Variants in HRG observed in about 807,000 individuals in gnomAD.
The protein encoded by HRG is histidine-rich glycoprotein.
A neutral mutation model predicts 29.5 loss-of-function variants in HRG; 26 were observed. The observed-to-expected ratio is 0.88, with a 90% CI of 0.65 to 1.22. The LOEUF is 1.22. Ranked by LOEUF, HRG falls within the 50% of genes most tolerant of loss-of-function variation. The probability of loss-of-function intolerance (pLI) is 0.00; values close to 1 mark genes in which losing one functional copy is unlikely to be tolerated. For synonymous variants in HRG, 243 were observed against 240.4 expected, an observed-to-expected ratio of 1.01 and a Z score of -0.10; for missense variants, 671 against 654.5, an observed-to-expected ratio of 1.03 and a Z score of -0.28.
chr3:186,668,715 G>A (rs1295072528), intron 1 of HRG: 12 of 523,978 alleles, frequency 2.3e-5, no homozygotes, highest in Middle Eastern at 5.2e-4. Flanking sequence ...CAAGTTTATG[G>A]GCAGAAGACA....
intron 5 of HRG, chr3:186,674,497 TTTC>T (rs1718905294): frequency 6.0e-6 from 1 of 167,384 alleles, no homozygotes; most frequent in Non-Finnish European, 1.3e-5. Context: ...TGCTTAGCAA[TTTC>T]TTCTAGCAGA....
rs774359835 is a variant in HRG, at chr3:186,671,646, A to G, written c.415A>G (p.Lys139Glu). 5.0e-6 allele frequency: 8 copies of G among 1,614,076 alleles called. No homozygotes were observed. In the East Asian group the frequency reaches 1.3e-4, roughly 27 times the overall value. ...SSVSSALANTKDSPVLIDFFE... is the reference protein window; with the variant it reads ...SSVSSALANTEDSPVLIDFFE... Reference sequence around the variant, plus strand: ...AGTCTCTTCAGCACTGGCCAATACCAAAGATAGTCCGGTCCTCATAGATTT... The same window carrying G: ...AGTCTCTTCAGCACTGGCCAATACCGAAGATAGTCCGGTCCTCATAGATTT... The change falls in exon 4 of 7, where the codon AAA (lysine) becomes GAA (glutamate). Residue 139 changes from lysine to glutamate, a missense_variant. By Grantham distance (56) the Lys-to-Glu change is moderately conservative. Transcript: ENST00000232003.
At position 186,671,744 on chromosome 3, in the gene HRG, C is replaced by G. The variant is rs1718802181; in HGVS notation, c.513C>G (p.Asp171Glu). The G allele has an allele frequency of 6.2e-7, 1 of 1,613,988 alleles. No individual in the cohort carries two copies. Among genetic ancestry groups the G allele is most frequent in the Non-Finnish European group, 8.5e-7 (1 of 1,179,894 alleles). Residue 171 changes from aspartate (D) to glutamate (E), a missense_variant, in exon 4 of 7, where the codon GAC becomes GAG. Asp to Glu is a conservative substitution (Grantham distance 45). Coordinates refer to ENST00000232003, the MANE Select transcript of HRG (RefSeq NM_000412.5). Reference sequence around the variant, plus strand: ...AGAAGTACAAAGAGGAGAATGATGACTTTGCCTCTTTCAGAGTGGACCGAA... The same window carrying G: ...AGAAGTACAAAGAGGAGAATGATGAGTTTGCCTCTTTCAGAGTGGACCGAA... ...ALEKYKEENDDFASFRVDRIE... is the reference protein window; with the variant it reads ...ALEKYKEENDEFASFRVDRIE...
chr3:186,673,469 A>C (rs1718872523), intron 5 of HRG: 1 of 164,698 alleles, frequency 6.1e-6, no homozygotes, highest in Non-Finnish European at 1.3e-5. Flanking sequence ...TTTTAATCCC[A>C]AATTAGCAGA....
chr3:186,677,217 A>G lies in HRG; in HGVS notation c.912A>G (p.Arg304=), dbSNP rs749515984. The change falls in exon 7 of 7, where the codon AGA becomes AGG. Residue 304 remains arginine (R), a synonymous_variant. Coordinates refer to ENST00000232003, the MANE Select transcript of HRG (RefSeq NM_000412.5). ...GACCCCCACCTCCTCCAGATGAAAGAGATCACTCACATGGACCCCCACTTC... is the reference window on the plus strand; with the variant it reads ...GACCCCCACCTCCTCCAGATGAAAGGGATCACTCACATGGACCCCCACTTC... ...EHGPPPPPDE[R]DHSHGPPLPQ... 38 of 1,613,846 alleles carry G rather than the reference A, an allele frequency of 2.4e-5. No individual in the cohort carries two copies. The East Asian group carries it at 8.2e-4, about 35-fold the overall frequency.
chr3:186,675,240 T>G (rs1393227070), intron 6 of HRG, 50 bp downstream of exon 6: 1 of 1,122,802 alleles, frequency 8.9e-7, no homozygotes, highest in Admixed American at 1.7e-5. Context: ...TTAAGTGACA[T>G]ACGTACACAA....
rs776422672 is a variant in HRG at position 186,677,676 on chromosome 3, T to C, written c.1371T>C (p.Ser457=). The C allele has an allele frequency of 1.2e-6, 2 of 1,613,770 alleles. No homozygotes were observed. Among genetic ancestry groups the C allele is most frequent in the East Asian group, 2.2e-5 (1 of 44,848 alleles). The change falls in exon 7 of 7, where the codon TCT becomes TCC. Residue 457 remains serine (S), a synonymous_variant. Coordinates refer to ENST00000232003, the MANE Select transcript of HRG (RefSeq NM_000412.5). Reference sequence around the variant, plus strand: ...CCTTCCATTGCAGACAAATTGGATCTGTGTACCGACTCCCTCCTCTAAGAA... The same window carrying C: ...CCTTCCATTGCAGACAAATTGGATCCGTGTACCGACTCCCTCCTCTAAGAA... ...PRPFHCRQIG[S]VYRLPPLRKG...
At chr3:186,670,478 A>C (rs1361362625) in intron 3 of HRG, among the ~76,000 whole-genome samples, 1 of 152,200 alleles carries the variant, frequency 6.6e-6, no homozygotes, top group Non-Finnish European at 1.5e-5. Context: ...CTCAAGAACA[A>C]AGCCAAGATA....
At chr3:186,676,311 T>C (rs546828327) in intron 6 of HRG, among the ~76,000 whole-genome samples, 1 of 152,276 alleles carries the variant, frequency 6.6e-6, no homozygotes, top group African/African-American at 2.4e-5. Context: ...TTTTCCAGTG[T>C]TGGTCTACAG....
Position 186,675,865 on chromosome 3 carries a change from C to CTTTT in HRG, c.741+693_741+696dup, listed in dbSNP as rs56248425. Among the ~76,000 whole-genome samples, 958 of 96,942 alleles carry CTTTT rather than the reference C, an allele frequency of 9.9e-3. 39 individuals carry two copies. The highest frequency in any genetic ancestry group is 0.014 in the East Asian group (41 of 2,856). 63.6% of individuals were successfully genotyped at this position (96,942 alleles called of 152,430 possible). The stretch of plus-strand genomic sequence containing the variant: ...ATTGTCACCATGAACATGGCTCTGT[C>CTTTT]TTTTTTTTTTTTTTTTTTTTTGAGA... On this transcript the variant is annotated intron_variant, in intron 6 of 6. Transcript: ENST00000232003.
At position 186,677,156 on chromosome 3, in the gene HRG, G is replaced by T; in HGVS notation, c.851G>T (p.Arg284Ile). Residue 284 changes from arginine (R) to isoleucine (I), a missense_variant, in exon 7 of 7, where the codon AGA (arginine) becomes ATA (isoleucine). Coordinates refer to ENST00000232003, the MANE Select transcript of HRG (RefSeq NM_000412.5). ...CCTCCATTCAAGCCCCATGGATCTA[G>T]AGATCATCATCATCCCCACAAGCCA... is the stretch of plus-strand genomic sequence containing the variant. ...TKPPFKPHGS[R>I]DHHHPHKPHE... The T allele has an allele frequency of 6.2e-7, 1 of 1,613,404 alleles. No individual in the cohort carries two copies. Among genetic ancestry groups the T allele is most frequent in the Admixed American group, 1.7e-5 (1 of 59,988 alleles).
In HRG at chr3:186,677,659, T is replaced by C. The variant is rs775316561; in HGVS notation, c.1354T>C (p.Cys452Arg). Residue 452 changes from cysteine to arginine, a missense_variant, in exon 7 of 7, where the codon TGC (cysteine) becomes CGC (arginine). Cys to Arg is a radical substitution (Grantham distance 180). Coordinates refer to ENST00000232003, the MANE Select transcript of HRG (RefSeq NM_000412.5). ...GPGKGPRPFH[C>R]RQIGSVYRLP... ...AGGTAAAGGACCCCGTCCCTTCCAT[T>C]GCAGACAAATTGGATCTGTGTACCG... 6.2e-6 allele frequency: 10 copies of C among 1,614,042 alleles called. No homozygotes were observed. In the South Asian group the frequency reaches 1.1e-4, roughly 18 times the overall value.
chr3:186,666,712 A>G (rs1279374746), intron 1 of HRG, among the ~76,000 whole-genome samples: 2 of 152,184 alleles, frequency 1.3e-5, no homozygotes, highest in East Asian at 3.9e-4. Flanking sequence ...CAGGAGTTCA[A>G]GACCAGCCTG....
Position 186,671,756 on chromosome 3 carries a change from CA to C in HRG, c.526del (p.Arg176GlufsTer11), listed in dbSNP as rs1223984586. The C allele has an allele frequency of 6.2e-7, 1 of 1,613,948 alleles. No individual in the cohort carries two copies. The highest frequency in any genetic ancestry group is 8.5e-7 in the Non-Finnish European group (1 of 1,179,906). ...KEENDDFASF[R>X]VDRIERVARV... Reference sequence around the variant, plus strand: ...AGGAGAATGATGACTTTGCCTCTTTCAGAGTGGACCGAATCGAGAGAGTTGC... The same window carrying C: ...AGGAGAATGATGACTTTGCCTCTTTCGAGTGGACCGAATCGAGAGAGTTGC... On this transcript the variant is annotated frameshift_variant, in exon 4 of 7. Coordinates refer to ENST00000232003, the MANE Select transcript of HRG (RefSeq NM_000412.5). LOFTEE classifies it high-confidence loss of function.
intron 6 of HRG, among the ~76,000 whole-genome samples, chr3:186,676,585 C>T (rs574908224): frequency 1.3e-5 from 2 of 150,882 alleles, no homozygotes; most frequent in Non-Finnish European, 2.9e-5. Context: ...CATGGTGAAA[C>T]CTGTCTCTAC....
At position 186,678,193 on chromosome 3, in the gene HRG, G is replaced by A. The variant is rs1560043311; in HGVS notation, c.*310G>A. 3 of 363,366 alleles carry A rather than the reference G, an allele frequency of 8.3e-6. No homozygotes were observed. Among genetic ancestry groups the A allele is most frequent in the African/African-American group, 4.2e-5 (2 of 47,898 alleles). 22.5% of individuals were successfully genotyped at this position (363,366 alleles called of 1,614,324 possible). On this transcript the variant is annotated 3_prime_UTR_variant, in exon 7 of 7. Transcript: ENST00000232003. ...ATTCTAGAGTCTCTGTTACTGCTTG[G>A]GCTATACCTGGGCATACTAATAAAG...
chr3:186,672,759 G>A (rs377630305), intron 4 of HRG, 28 bp from the exon 5 acceptor site: 4 of 1,486,650 alleles, frequency 2.7e-6, no homozygotes, highest in Non-Finnish European at 3.8e-6. Context: ...GTCTGTTCTT[G>A]AAACTATTTT....
Position 186,671,687 on chromosome 3 carries a change from G to A in HRG, c.456G>A (p.Glu152=), listed in dbSNP as rs1484308980. 6.2e-7 allele frequency: 1 copy of A among 1,613,912 alleles called. No individual in the cohort carries two copies. The highest frequency in any genetic ancestry group is 1.7e-5 in the Admixed American group (1 of 59,988). The change falls in exon 4 of 7, where the codon GAG becomes GAA. Residue 152 remains glutamate, a synonymous_variant. Coordinates refer to ENST00000232003, the MANE Select transcript of HRG (RefSeq NM_000412.5). The part of the protein sequence containing the change: ...PVLIDFFEDT[E]RYRKQANKAL... ...TCATAGATTTCTTTGAGGATACTGA[G>A]CGCTACAGAAAACAAGCCAACAAAG...
chr3:186,675,871 T>G (rs1255064718), intron 6 of HRG, among the ~76,000 whole-genome samples: 1 of 146,534 alleles, frequency 6.8e-6, no homozygotes, highest in Non-Finnish European at 1.5e-5. Context: ...CTGTCTTTTT[T>G]TTTTTTTTTT....
Sources: gnomAD v4.1 joint callset for allele counts (sites outside exome capture counted in the v4.1 genomes callset) on GRCh38, gnomAD v4.1.1 for gene constraint, MANE v1.5 for transcripts, NCBI Gene and HGNC (gene_info 2026-07-23, HGNC 2026-07-21) for gene names.